PCDH10: variants seen among roughly 807,000 people sequenced by gnomAD.
PCDH10 encodes protocadherin-10.
In PCDH10, 15 loss-of-function variants were observed where a neutral mutation model predicts 74.4. The ratio of observed to expected loss-of-function variants is 0.20; its 90% CI spans 0.13 to 0.31. The LOEUF is 0.31. Among genes scored for constraint, PCDH10 ranks in the 10% least tolerant of loss-of-function variants. The probability of loss-of-function intolerance (pLI) is 1.00; values close to 1 mark genes in which losing one functional copy is unlikely to be tolerated. For missense variants in PCDH10, 1,260 were observed against 1,390.2 expected (o/e 0.91, Z 1.49); for synonymous variants, 619 against 589.8 (o/e 1.05, Z -0.72).
At chr4:133,197,113 G>C (rs564979534), downstream of PCDH10, among the ~76,000 whole-genome samples, 22 of 152,070 alleles carry the variant, frequency 1.4e-4, no homozygotes, top group African/African-American at 5.3e-4. Context: ...ATCTGGCTGG[G>C]TTCGCTTTCT....
intron 4 of PCDH10, among the ~76,000 whole-genome samples, chr4:133,182,706 A>C (rs1727442411): frequency 6.6e-6 from 1 of 152,096 alleles, no homozygotes; most frequent in Admixed American, 6.6e-5. Context: ...TCTGAAAAAT[A>C]ATTCAGTCTC....
At chr4:133,208,108 CAT>C (rs1728083137) in exon 3 of PCDH10, 1 of 152,196 alleles carries the variant, frequency 6.6e-6, no homozygotes, top group Non-Finnish European at 1.5e-5. Flanking sequence ...TGGAGAGACA[CAT>C]GTGGCACAAG....
At position 133,192,986 on chromosome 4, in the gene PCDH10, G is replaced by T. The variant is rs982699642; in HGVS notation, c.*2826G>T. On this transcript the variant is annotated 3_prime_UTR_variant, in exon 5 of 5. Transcript: ENST00000264360. ...TATACATCAAAGAATAATATCCATC[G>T]TATTAGACAGTATTTCGTCAATAAA... The T allele has an allele frequency of 6.6e-6, 1 of 150,548 alleles. No individual in the cohort carries two copies. Among genetic ancestry groups the T allele is most frequent in the African/African-American group, 2.4e-5 (1 of 40,824 alleles). The allele number at this position is 150,548 out of a possible 1,614,324, so 9.3% of individuals were successfully genotyped here. A position where few individuals can be genotyped will look rare whatever the true frequency, so the allele number is the denominator to read the frequency against.
At chr4:133,207,201 T>A (rs928757253) in intron 2 of PCDH10, among the ~76,000 whole-genome samples, 1 of 152,040 alleles carries the variant, frequency 6.6e-6, no homozygotes, top group Non-Finnish European at 1.5e-5. Flanking sequence ...TTTATTCAAT[T>A]GTTTCTAAGG....
chr4:133,177,011 T>G (rs541252364), intron 4 of PCDH10, among the ~76,000 whole-genome samples: 1 of 151,822 alleles, frequency 6.6e-6, no homozygotes, highest in Non-Finnish European at 1.5e-5. Flanking sequence ...AATGTCCATA[T>G]AGAATTTGAC....
At chr4:133,184,792 ATATTTATATATATATATT>A (rs1727506666) in intron 4 of PCDH10, among the ~76,000 whole-genome samples, 1 of 139,048 alleles carries the variant, frequency 7.2e-6, no homozygotes, top group Non-Finnish European at 1.5e-5. Flanking sequence ...ATAAATATAT[ATATTTATATATATATATT>A]TATATATTTA....
intron 4 of PCDH10, 90 bp downstream of exon 4, chr4:133,163,372 G>T: frequency 8.2e-7 from 1 of 1,222,172 alleles, no homozygotes; most frequent in South Asian, 1.6e-5. Flanking sequence ...ATGGAGTTCA[G>T]GTTTTTTTAA....
intron 3 of PCDH10, 54 bp downstream of exon 3, chr4:133,155,077 A>C: frequency 1.6e-6 from 2 of 1,232,952 alleles, no homozygotes; most frequent in Non-Finnish European, 2.4e-6. Context: ...TTTTGTTTTT[A>C]AAAATAAACG....
At chr4:133,177,423 T>C (rs943240862) in intron 4 of PCDH10, among the ~76,000 whole-genome samples, 1 of 152,152 alleles carries the variant, frequency 6.6e-6, no homozygotes, top group Non-Finnish European at 1.5e-5. Context: ...TTACAGCTTA[T>C]AGTTTATTCA....
At chr4:133,156,527 T>C (rs1726867626) in intron 3 of PCDH10, among the ~76,000 whole-genome samples, 1 of 152,268 alleles carries the variant, frequency 6.6e-6, no homozygotes, top group African/African-American at 2.4e-5. Flanking sequence ...TTGCCCTATA[T>C]ATGGCATATG....
chr4:133,194,728 T>C (rs571632533), downstream of PCDH10: 1 of 152,074 alleles, frequency 6.6e-6, no homozygotes, highest in Non-Finnish European at 1.5e-5. Flanking sequence ...AATTTTAGTC[T>C]TAATATAACA....
At chr4:133,178,329 C>A (rs1045814383) in intron 4 of PCDH10, among the ~76,000 whole-genome samples, 2 of 151,886 alleles carry the variant, frequency 1.3e-5, no homozygotes, top group Non-Finnish European at 2.9e-5. Context: ...CTCTGCCTCC[C>A]GGATTCAAGC....
At chr4:133,173,157 T>C (rs1030411636) in intron 4 of PCDH10, among the ~76,000 whole-genome samples, 2 of 151,972 alleles carry the variant, frequency 1.3e-5, no homozygotes, top group African/African-American at 4.8e-5. Context: ...AATTGTGGAC[T>C]ATGATGCTTA....
intron 3 of PCDH10, among the ~76,000 whole-genome samples, chr4:133,159,169 A>G (rs1330926124): frequency 6.6e-6 from 1 of 152,128 alleles, no homozygotes; most frequent in Non-Finnish European, 1.5e-5. Context: ...CTTGTTGCAC[A>G]AAAAGAAATG....
intron 1 of PCDH10, chr4:133,153,003 T>C (rs1311015930): frequency 3.5e-6 from 5 of 1,437,002 alleles, no homozygotes; most frequent in African/African-American, 1.4e-5. Context: ...CTTGGTACTT[T>C]GCCACCTTGG....
Position 133,150,860 on chromosome 4 carries a change from G to C in PCDH10, c.720G>C (p.Val240=). ...GCACGGCCCTACTCACCATCCGAGT[G>C]CTGGACTCCAATGACAATGTGCCCG... ...RTGTALLTIR[V]LDSNDNVPAF... is the part of the protein sequence containing the mutation. The change falls in exon 1 of 5, where the codon GTG becomes GTC. Residue 240 remains valine (V), a synonymous_variant. Coordinates refer to ENST00000264360, the MANE Select transcript of PCDH10 (RefSeq NM_032961.3). 1.2e-6 allele frequency: 2 copies of C among 1,607,332 alleles called. No homozygotes were observed. The highest frequency in any genetic ancestry group is 8.5e-7 in the Non-Finnish European group (1 of 1,177,934).
intron 2 of PCDH10, among the ~76,000 whole-genome samples, chr4:133,205,019 A>T (rs560789334): frequency 1.4e-3 from 218 of 152,244 alleles, no homozygotes; most frequent in African/African-American, 5.2e-3. Flanking sequence ...TATTTGAACA[A>T]TTCCCTGTGT....
At chr4:133,154,236 A>C (rs1726809826) in intron 1 of PCDH10, 71 bp from the exon 2 acceptor site, 2 of 931,064 alleles carry the variant, frequency 2.1e-6, no homozygotes, top group South Asian at 2.9e-5. Context: ...TATAGTTCCT[A>C]ACCTCAAAAG....
At position 133,150,458 on chromosome 4, in the gene PCDH10, C is replaced by G. The variant is rs1726636376; in HGVS notation, c.318C>G (p.Phe106Leu). 1 of 1,613,844 alleles carries G rather than the reference C, an allele frequency of 6.2e-7. No individual in the cohort carries two copies. The highest frequency in any genetic ancestry group is 8.5e-7 in the Non-Finnish European group (1 of 1,180,002). Residue 106 changes from phenylalanine (F) to leucine (L), a missense_variant, in exon 1 of 5, where the codon TTC becomes TTG. Physicochemically the swap from Phe to Leu is conservative, Grantham distance 22. Coordinates refer to ENST00000264360, the MANE Select transcript of PCDH10 (RefSeq NM_032961.3). ...TTCTGGAGAACCCCCTGGAGCTGTT[C>G]CAGGTGGAGATCGAGGTGCTGGACA... ...EVFLENPLEL[F>L]QVEIEVLDIN...
Sources: gnomAD v4.1 joint callset for allele counts (sites outside exome capture counted in the v4.1 genomes callset) on GRCh38, gnomAD v4.1.1 for gene constraint, MANE v1.5 for transcripts, NCBI Gene and HGNC (gene_info 2026-07-23, HGNC 2026-07-21) for gene names.